PSPH: variants seen among roughly 807,000 people sequenced by gnomAD.
PSPH encodes the protein L-3-phosphoserine phosphatase.
A neutral mutation model predicts 23.4 loss-of-function variants in PSPH; 16 were observed. That is an observed-to-expected ratio of 0.68 (90% CI 0.46 to 1.04). The LOEUF is 1.04. Ranked by LOEUF, PSPH falls within the 50% of genes least tolerant of loss-of-function variation. The pLI is 0.00. For missense variants in PSPH, 223 were observed against 273.7 expected, an observed-to-expected ratio of 0.81 and a Z score of 1.31; for synonymous variants, 68 against 99.7, an observed-to-expected ratio of 0.68 and a Z score of 1.89.
chr7:56,013,554 T>C (rs1337220462), intron 7 of PSPH, among the ~76,000 whole-genome samples: 1 of 151,402 alleles, frequency 6.6e-6, no homozygotes, highest in Non-Finnish European at 1.5e-5. Flanking sequence ...GAAAATGACA[T>C]TAATTCAGAG....
intron 6 of PSPH, among the ~76,000 whole-genome samples, chr7:56,016,236 TA>T (rs903790424): frequency 3.0e-4 from 44 of 145,022 alleles, no homozygotes; most frequent in Admixed American, 1.9e-3. Flanking sequence ...CCGACTCTAC[TA>T]AAAAAAAAAT....
chr7:56,017,304 C>T lies in PSPH; in HGVS notation c.351G>A (p.Glu117=), dbSNP rs766126853. Residue 117 remains glutamate (E), a synonymous_variant, in exon 6 of 8, where the codon GAG becomes GAA. Coordinates refer to ENST00000275605, the MANE Select transcript of PSPH (RefSeq NM_004577.4). ...GGATATTGAGCTTTGAAGCAACATG[C>T]TCTACAATACTCCTAAAGCCACCAG... is the stretch of plus-strand genomic sequence containing the variant. The part of the protein sequence containing the change: ...LISGGFRSIV[E]HVASKLNIPA... The T allele has an allele frequency of 1.4e-5, 22 of 1,613,316 alleles. No homozygotes were observed. The highest frequency in any genetic ancestry group is 1.9e-5 in the Non-Finnish European group (22 of 1,179,668).
intron 4 of PSPH, 127 bp from the exon 5 acceptor site, chr7:56,019,861 G>C: frequency 8.1e-7 from 1 of 1,241,084 alleles, no homozygotes; most frequent in Non-Finnish European, 1.1e-6. Flanking sequence ...GTGTGCAACA[G>C]ACAGGCTTTG....
chr7:56,020,401 C>T (rs920809022), intron 4 of PSPH, among the ~76,000 whole-genome samples: 9 of 151,970 alleles, frequency 5.9e-5, no homozygotes, highest in African/African-American at 1.5e-4. Context: ...CCAAGGTGGG[C>T]GGATCACGAG....
At chr7:56,027,351 A>G (rs1790348965) in intron 3 of PSPH, among the ~76,000 whole-genome samples, 3 of 152,220 alleles carry the variant, frequency 2.0e-5, no homozygotes, top group Admixed American at 6.6e-5. Flanking sequence ...AGAGGAATGC[A>G]TAATGCATGG....
chr7:56,012,795 G>A (rs963862976), intron 7 of PSPH, among the ~76,000 whole-genome samples: 6 of 146,610 alleles, frequency 4.1e-5, no homozygotes, highest in African/African-American at 1.0e-4. Context: ...GGGTTTCACC[G>A]TGTTGCCCAG....
At chr7:56,033,168 T>A (rs943701600) in intron 2 of PSPH, 5 of 151,888 alleles carry the variant, frequency 3.3e-5, no homozygotes, top group African/African-American at 1.2e-4. Context: ...ATCAAATATT[T>A]AAAAAGTAAT....
intron 3 of PSPH, among the ~76,000 whole-genome samples, chr7:56,022,582 T>C (rs1320075357): frequency 6.6e-6 from 1 of 152,178 alleles, no homozygotes; most frequent in Non-Finnish European, 1.5e-5. Context: ...CCCAGGGGCC[T>C]GGCTGTGCAT....
At chr7:56,045,686 G>C (rs970077985) in intron 1 of PSPH, among the ~76,000 whole-genome samples, 2 of 151,842 alleles carry the variant, frequency 1.3e-5, no homozygotes, top group African/African-American at 2.4e-5. Context: ...AGGATATCGA[G>C]ACCATCCTGG....
At position 56,034,733 on chromosome 7, in the gene PSPH, G is replaced by A. The variant is rs572237519; in HGVS notation, c.-291-627C>T. Among the ~76,000 whole-genome samples the A allele has an allele frequency of 4.0e-5, 6 of 151,676 alleles. No individual in the cohort carries two copies. The South Asian group carries it at 1.3e-3, about 32-fold the overall frequency. Reference sequence around the variant, plus strand: ...GGGTTTCACCGTGTTAGCCAGGATGGTCTCGATTTCCTGACCTCGTGATCC... The same window carrying A: ...GGGTTTCACCGTGTTAGCCAGGATGATCTCGATTTCCTGACCTCGTGATCC... On this transcript the variant is annotated intron_variant, in intron 1 of 7. Transcript: ENST00000275605.
intron 4 of PSPH, 73 bp downstream of exon 4, chr7:56,021,000 A>T: frequency 6.5e-7 from 1 of 1,530,750 alleles, no homozygotes; most frequent in Non-Finnish European, 8.8e-7. Flanking sequence ...GCCAGGGTCT[A>T]GCACTTCATC....
chr7:56,023,318 G>A (rs1470490073), intron 3 of PSPH, among the ~76,000 whole-genome samples: 3 of 151,908 alleles, frequency 2.0e-5, no homozygotes, highest in African/African-American at 7.3e-5. Context: ...GAGTGCAGTG[G>A]TACAATCATG....
At chr7:56,017,034 C>A (rs1428887527) in intron 6 of PSPH, among the ~76,000 whole-genome samples, 200 bp downstream of exon 6, 11 of 152,088 alleles carry the variant, frequency 7.2e-5, no homozygotes, top group Admixed American at 7.2e-4. Flanking sequence ...GTTATAGATA[C>A]CAAAGCTAGG....
intron 7 of PSPH, among the ~76,000 whole-genome samples, chr7:56,013,789 A>G (rs1788247630): frequency 6.6e-6 from 1 of 152,108 alleles, no homozygotes; most frequent in Non-Finnish European, 1.5e-5. Context: ...TTACAGGTAA[A>G]TCATATAATC....
In PSPH at chr7:56,022,253, T is replaced by C. The variant is rs180937621; in HGVS notation, c.-19-1022A>G. 2.9e-4 allele frequency among the ~76,000 whole-genome samples: 44 copies of C among 151,558 alleles called. 1 individual carries two copies. The East Asian group carries it at 8.1e-3, about 28-fold the overall frequency. On this transcript the variant is annotated intron_variant, in intron 3 of 7. Transcript: ENST00000275605. ...GGGAGACTGAAGCAGGAGAATTACT[T>C]GAACCCAGGAGGTAGAGCTGCAGTG...
intron 4 of PSPH, among the ~76,000 whole-genome samples, chr7:56,020,144 G>A (rs188495706): frequency 3.1e-4 from 47 of 151,808 alleles, no homozygotes; most frequent in African/African-American, 1.0e-3. Flanking sequence ...GCTGGAACCC[G>A]GGAGGCAGAG....
chr7:56,017,497 G>A (rs1010177922), intron 5 of PSPH, 118 bp from the exon 6 acceptor site: 14 of 1,522,324 alleles, frequency 9.2e-6, no homozygotes, highest in Non-Finnish European at 1.1e-5. Flanking sequence ...ATTTGCCTGA[G>A]GTATGTTTGA....
rs566395415 is a variant in PSPH, at chr7:56,013,067, A to G, written c.571-1198T>C. Among the ~76,000 whole-genome samples, 472 of 96,538 alleles carry G rather than the reference A, an allele frequency of 4.9e-3. 1 individual carries two copies. Among genetic ancestry groups the G allele is most frequent in the Non-Finnish European group, 9.3e-3 (391 of 42,072 alleles). The allele number at this position is 96,538 out of a possible 152,430, so 63.3% of individuals were successfully genotyped here. A position where few individuals can be genotyped will look rare whatever the true frequency, so the allele number is the denominator to read the frequency against. The stretch of plus-strand genomic sequence containing the variant: ...TATACACACATATATGTATATGTGT[A>G]TGTATATATTTATATACACACATAT... On this transcript the variant is annotated intron_variant, in intron 7 of 7. Transcript: ENST00000275605.
chr7:56,014,990 AC>A (rs766872745), intron 7 of PSPH, 32 bp downstream of exon 7: 1 of 1,573,506 alleles, frequency 6.4e-7, no homozygotes, highest in Non-Finnish European at 8.6e-7. Context: ...CAAAAGTACA[AC>A]CTGAAAAAAA....
Sources: gnomAD v4.1 joint callset for allele counts (sites outside exome capture counted in the v4.1 genomes callset) on GRCh38, gnomAD v4.1.1 for gene constraint, MANE v1.5 for transcripts, NCBI Gene and HGNC (gene_info 2026-07-23, HGNC 2026-07-21) for gene names.